Variants in ZNF469 observed in about 807,000 individuals in gnomAD.
ZNF469 encodes the protein zinc finger protein 469.
ZNF469 carries 1 observed loss-of-function variant against 1.0 expected under a neutral mutation model. That is an observed-to-expected ratio of 1.00 (90% CI 0.35 to 4.73). The LOEUF (loss-of-function observed/expected upper bound fraction) is 4.73, where lower values mean the gene tolerates loss of function less well. Among genes scored for constraint, ZNF469 ranks in the 30% most tolerant of loss-of-function variants. The pLI is 0.16. For synonymous variants in ZNF469, 2,703 were observed against 2,363.4 expected, an observed-to-expected ratio of 1.14 and a Z score of -4.17; for missense variants, 6,100 against 5,356.3, an observed-to-expected ratio of 1.14 and a Z score of -4.33.
chr16:88,380,622 G>A (rs1289059056), upstream of ZNF469, among the ~76,000 whole-genome samples: 1 of 90,590 alleles, frequency 1.1e-5, no homozygotes, highest in African/African-American at 4.3e-5. Flanking sequence ...CACACACCCA[G>A]ACATGCGCTC....
At chr16:88,193,336 GTGA>G in the ZNF469 span, among the ~76,000 whole-genome samples, 25 of 151,724 alleles carry the variant, frequency 1.6e-4, no homozygotes, top group South Asian at 1.3e-3. Flanking sequence ...GGTGACGGTG[GTGA>G]TGATAAGGAT....
the ZNF469 span, among the ~76,000 whole-genome samples, chr16:88,110,842 A>C: frequency 6.6e-6 from 1 of 152,240 alleles, no homozygotes; most frequent in African/African-American, 2.4e-5. Context: ...GGTGCAGCTC[A>C]GCCGGGTGTA....
At position 88,436,297 on chromosome 16, in the gene ZNF469, T is replaced by A. The variant is rs1179373357; in HGVS notation, c.8827T>A (p.Phe2943Ile). 2.6e-6 allele frequency: 4 copies of A among 1,549,850 alleles called. No homozygotes were observed. The Admixed American group carries it at 5.9e-5, about 23-fold the overall frequency. ...GCCCGAGTCCTTCCTCCTGGATGGG[T>A]TCCTCAATAGCAGGGTGCCTGGCAT... ...GLPESFLLDG[F>I]LNSRVPGIDP... is the part of the protein sequence containing the mutation. Residue 2943 changes from phenylalanine to isoleucine, a missense_variant, in exon 3 of 3, where the codon TTC becomes ATC. Coordinates refer to ENST00000565624, the MANE Select transcript of ZNF469 (RefSeq NM_001367624.2).
At chr16:88,243,030 T>C in the ZNF469 span, among the ~76,000 whole-genome samples, 50,025 of 152,066 alleles carry the variant, frequency 0.33, 10,377 homozygotes, top group African/African-American at 0.59. Context: ...GCCTAGTGTC[T>C]CCAAACTCAC....
the ZNF469 span, among the ~76,000 whole-genome samples, chr16:88,157,833 T>G: frequency 6.6e-6 from 1 of 150,508 alleles, no homozygotes; most frequent in Non-Finnish European, 1.5e-5. Flanking sequence ...CACTGCTGGG[T>G]GCCATGCCCG....
At chr16:88,193,110 G>A in the ZNF469 span, among the ~76,000 whole-genome samples, 1 of 90,640 alleles carries the variant, frequency 1.1e-5, no homozygotes, top group Non-Finnish European at 2.3e-5. Context: ...TGATGGTGGT[G>A]GTGGTGATGG....
the ZNF469 span, among the ~76,000 whole-genome samples, chr16:88,172,185 G>A: frequency 3.2e-4 from 49 of 152,196 alleles, no homozygotes; most frequent in African/African-American, 1.1e-3. Context: ...CAAAGAGAGC[G>A]CCAGAGGTCT....
At chr16:88,321,440 G>A in the ZNF469 span, among the ~76,000 whole-genome samples, 8 of 151,848 alleles carry the variant, frequency 5.3e-5, no homozygotes, top group East Asian at 3.9e-4. Context: ...CTGATTGGAT[G>A]TGGCCCTTGG....
the ZNF469 span, among the ~76,000 whole-genome samples, chr16:88,279,959 G>C: frequency 6.7e-4 from 94 of 140,722 alleles, no homozygotes; most frequent in African/African-American, 2.4e-3. Context: ...GCTGCGCCAC[G>C]CTGACACTCG....
chr16:88,237,584 C>G, the ZNF469 span, among the ~76,000 whole-genome samples: 53 of 66,876 alleles, frequency 7.9e-4, no homozygotes, highest in South Asian at 4.0e-3. Flanking sequence ...GCTCCTGCCA[C>G]TCACCCTCCC....
At chr16:88,300,805 A>G in the ZNF469 span, among the ~76,000 whole-genome samples, 1 of 152,088 alleles carries the variant, frequency 6.6e-6, no homozygotes, top group Non-Finnish European at 1.5e-5. Flanking sequence ...TGGCTCACGC[A>G]TGTGATCCCA....
At chr16:88,375,809 C>T in the ZNF469 span, among the ~76,000 whole-genome samples, 1 of 152,204 alleles carries the variant, frequency 6.6e-6, no homozygotes, top group Admixed American at 6.5e-5. Flanking sequence ...GTCTGACTGC[C>T]GAACTTCACC....
chr16:88,229,309 C>T, the ZNF469 span, among the ~76,000 whole-genome samples: 3,508 of 152,332 alleles, frequency 0.023, 61 homozygotes, highest in Non-Finnish European at 0.038. Context: ...GCCCGTCAGG[C>T]GGCAGGAACC....
At chr16:88,117,033 G>A in the ZNF469 span, among the ~76,000 whole-genome samples, 1 of 152,158 alleles carries the variant, frequency 6.6e-6, no homozygotes, top group Non-Finnish European at 1.5e-5. Context: ...CGGCCCTGTG[G>A]GTCATGCCAG....
At chr16:88,352,482 C>A in the ZNF469 span, among the ~76,000 whole-genome samples, 1 of 152,206 alleles carries the variant, frequency 6.6e-6, no homozygotes, top group African/African-American at 2.4e-5. Flanking sequence ...TGCTGACGGG[C>A]ACGGAAGGGC....
At chr16:88,376,760 G>C in the ZNF469 span, among the ~76,000 whole-genome samples, 1 of 152,220 alleles carries the variant, frequency 6.6e-6, no homozygotes, top group African/African-American at 2.4e-5. Context: ...CCGGCCACAC[G>C]GCTGGCAGAC....
chr16:88,253,607 G>A, the ZNF469 span, among the ~76,000 whole-genome samples: 8 of 150,504 alleles, frequency 5.3e-5, no homozygotes, highest in African/African-American at 1.2e-4. Context: ...GAGTGATCTC[G>A]GCTCACTGCA....
chr16:88,268,234 C>T, the ZNF469 span, among the ~76,000 whole-genome samples: 3 of 152,112 alleles, frequency 2.0e-5, no homozygotes, highest in Non-Finnish European at 2.9e-5. Context: ...TCCCATGCCC[C>T]GTTGTCAGTC....
the ZNF469 span, among the ~76,000 whole-genome samples, chr16:88,172,157 G>A: frequency 1.4e-4 from 22 of 152,196 alleles, no homozygotes; most frequent in East Asian, 3.8e-4. Flanking sequence ...GCAGACTACT[G>A]GAGAGGAAAG....
Sources: gnomAD v4.1 joint callset for allele counts (sites outside exome capture counted in the v4.1 genomes callset) on GRCh38, gnomAD v4.1.1 for gene constraint, MANE v1.5 for transcripts, NCBI Gene and HGNC (gene_info 2026-07-23, HGNC 2026-07-21) for gene names.